CABP1: variants seen among roughly 807,000 people sequenced by gnomAD.
CABP1 encodes the protein calcium binding protein 1.
In CABP1, 17 loss-of-function variants were observed where a neutral mutation model predicts 34.3. The observed-to-expected ratio is 0.50, with a 90% CI of 0.34 to 0.74. The LOEUF (loss-of-function observed/expected upper bound fraction) is 0.74, where lower values mean the gene tolerates loss of function less well. Among genes scored for constraint, CABP1 ranks in the 30% least tolerant of loss-of-function variants. CABP1 has a pLI of 0.01. For synonymous variants in CABP1, 198 were observed against 229.2 expected (o/e 0.86, Z 1.23); for missense variants, 373 against 511.1 (o/e 0.73, Z 2.61).
chr12:120,656,733 TA>T (rs1727462382), intron 1 of CABP1, among the ~76,000 whole-genome samples: 1 of 151,958 alleles, frequency 6.6e-6, no homozygotes, highest in South Asian at 2.1e-4. Context: ...CCATCTCTAC[TA>T]AAATACAAAA....
At chr12:120,677,173 C>T in the CABP1 span, among the ~76,000 whole-genome samples, 31,622 of 148,770 alleles carry the variant, frequency 0.21, 3,910 homozygotes, top group Middle Eastern at 0.35. Context: ...CTGCAACCTC[C>T]GCCTCCCGGG....
intron 1 of CABP1, among the ~76,000 whole-genome samples, chr12:120,657,085 G>A (rs577432353): frequency 2.6e-5 from 4 of 152,108 alleles, no homozygotes; most frequent in Non-Finnish European, 4.4e-5. Flanking sequence ...TCTAAATTCC[G>A]TGCTGTCCGA....
the CABP1 span, among the ~76,000 whole-genome samples, chr12:120,672,593 TTG>T: frequency 8.2e-6 from 1 of 121,572 alleles, no homozygotes; most frequent in Non-Finnish European, 1.6e-5. Flanking sequence ...GATAGCGCCA[TTG>T]CACTCCAAAA....
At chr12:120,642,762 T>C (rs1015703217) in intron 1 of CABP1, among the ~76,000 whole-genome samples, 1 of 152,110 alleles carries the variant, frequency 6.6e-6, no homozygotes, top group Admixed American at 6.5e-5. Flanking sequence ...GAATGGGTGA[T>C]ACCAATTCAT....
At chr12:120,680,553 A>G in the CABP1 span, among the ~76,000 whole-genome samples, 1 of 152,194 alleles carries the variant, frequency 6.6e-6, no homozygotes, top group African/African-American at 2.4e-5. Context: ...GACCTTCCAC[A>G]GCAGGGAGGG....
chr12:120,671,504 G>A (rs560124963), downstream of CABP1, among the ~76,000 whole-genome samples: 1 of 152,344 alleles, frequency 6.6e-6, no homozygotes, highest in South Asian at 2.1e-4. Flanking sequence ...GTACTGGGCT[G>A]GAGAGAGGAG....
chr12:120,674,579 G>A, the CABP1 span, among the ~76,000 whole-genome samples: 8 of 152,116 alleles, frequency 5.3e-5, no homozygotes, highest in African/African-American at 1.7e-4. Flanking sequence ...TGAGGGATGA[G>A]CTCTGGTGTT....
chr12:120,667,990 T>C (rs1861494575), downstream of CABP1, among the ~76,000 whole-genome samples: 1 of 152,208 alleles, frequency 6.6e-6, no homozygotes, highest in Admixed American at 6.5e-5. Flanking sequence ...GGAACTTTTA[T>C]ACTGGTTGGA....
At chr12:120,676,066 G>C in the CABP1 span, among the ~76,000 whole-genome samples, 3 of 152,134 alleles carry the variant, frequency 2.0e-5, no homozygotes, top group Non-Finnish European at 4.4e-5. Flanking sequence ...ATGAGAGGGA[G>C]ACTCCATCTC....
the CABP1 span, among the ~76,000 whole-genome samples, chr12:120,675,592 G>A: frequency 1.3e-5 from 2 of 152,196 alleles, no homozygotes; most frequent in East Asian, 1.9e-4. Flanking sequence ...CACCACCACA[G>A]CTCATTTGTA....
At chr12:120,673,327 G>A in the CABP1 span, among the ~76,000 whole-genome samples, 1 of 152,200 alleles carries the variant, frequency 6.6e-6, no homozygotes, top group Admixed American at 6.5e-5. Flanking sequence ...GCTCACACCT[G>A]TAATCCCAGC....
chr12:120,660,248 C>G lies in CABP1; in HGVS notation c.738C>G (p.Asn246Lys). The change falls in exon 3 of 6, where the codon AAC becomes AAG. Residue 246 changes from asparagine (N) to lysine (K), a missense_variant. This residue lies in a region of CABP1 where 109 missense variants were observed against 204.8 expected (regional missense o/e 0.53). Coordinates refer to ENST00000316803, the MANE Select transcript of CABP1 (RefSeq NM_001033677.2). This position sits in a 1 kb window ranked among gnomAD's most constrained non-coding sequence, Gnocchi z 5.0. ...ACAAGGACAAGGATGGCTACATCAA[C>G]TGCCGGGATCTGGGCAACTGCATGC... ...EFDKDKDGYI[N>K]CRDLGNCMRT... The G allele has an allele frequency of 6.2e-7, 1 of 1,614,216 alleles. No homozygotes were observed. The highest frequency in any genetic ancestry group is 8.5e-7 in the Non-Finnish European group (1 of 1,180,040).
At chr12:120,667,776 C>G (rs1592899931), downstream of CABP1, among the ~76,000 whole-genome samples, 1 of 152,208 alleles carries the variant, frequency 6.6e-6, no homozygotes, top group Non-Finnish European at 1.5e-5. Flanking sequence ...GCGTGAGTCT[C>G]CATGCCTGGC....
intron 1 of CABP1, among the ~76,000 whole-genome samples, chr12:120,658,780 G>C (rs1880425004): frequency 6.6e-6 from 1 of 152,178 alleles, no homozygotes; most frequent in African/African-American, 2.4e-5. Context: ...TGTGTTCGTG[G>C]GAGGTATGGC....
intron 1 of CABP1, among the ~76,000 whole-genome samples, chr12:120,658,523 ACT>A (rs1433656579): frequency 6.6e-6 from 1 of 151,610 alleles, no homozygotes; most frequent in Non-Finnish European, 1.5e-5. Context: ...GCTCACACAC[ACT>A]CTCAACGCTG....
chr12:120,645,341 G>C (rs1358503187), intron 1 of CABP1, among the ~76,000 whole-genome samples: 1 of 152,162 alleles, frequency 6.6e-6, no homozygotes, highest in African/African-American at 2.4e-5. Context: ...GATAGGAGTG[G>C]CTTGGAGTCA....
chr12:120,656,287 C>A, intron 1 of CABP1: 3 of 1,527,314 alleles, frequency 2.0e-6, no homozygotes, highest in Non-Finnish European at 2.6e-6. Context: ...GTAAGTTGGC[C>A]CAGTGGAGCC....
At position 120,666,995 on chromosome 12, in the gene CABP1, G is replaced by A; in HGVS notation, c.*95G>A. The A allele has an allele frequency of 6.8e-7, 1 of 1,468,658 alleles. No homozygotes were observed. The highest frequency in any genetic ancestry group is 1.2e-5 in the South Asian group (1 of 82,844). 91.0% of individuals were successfully genotyped at this position (1,468,658 alleles called of 1,614,324 possible). ...ACCCGCTGTAGCCGCCGAGAGCCCAGGATGTACTGGCGGATGGGGCCTGCC... is the reference window on the plus strand; with the variant it reads ...ACCCGCTGTAGCCGCCGAGAGCCCAAGATGTACTGGCGGATGGGGCCTGCC... On this transcript the variant is annotated 3_prime_UTR_variant, in exon 6 of 6. Transcript: ENST00000316803.
chr12:120,651,723 C>G (rs2137338682), intron 1 of CABP1, among the ~76,000 whole-genome samples: 1 of 152,314 alleles, frequency 6.6e-6, no homozygotes, highest in South Asian at 2.1e-4. Context: ...GCTTTTCTGC[C>G]TGTCGTCTTC....
Sources: gnomAD v4.1 joint callset for allele counts (sites outside exome capture counted in the v4.1 genomes callset) on GRCh38, gnomAD v4.1.1 for gene constraint, gnomAD v4.1.1 regional missense constraint, Gnocchi (gnomAD v3.1) non-coding constraint, MANE v1.5 for transcripts, NCBI Gene and HGNC (gene_info 2026-07-23, HGNC 2026-07-21) for gene names.